The following ABCB11 variants were observed in gnomAD, a reference collection of about 807,000 sequenced individuals.
ABCB11 encodes the protein bile salt export pump.
Under a neutral mutation model 148.0 loss-of-function variants are expected in ABCB11, and 95 were observed. The observed-to-expected ratio is 0.64, with a 90% CI of 0.54 to 0.76. The LOEUF (loss-of-function observed/expected upper bound fraction) is 0.76. Among genes scored for constraint, ABCB11 ranks in the 30% least tolerant of loss-of-function variants. ABCB11 has a pLI of 0.00. For synonymous variants in ABCB11, 591 were observed against 555.4 expected (o/e 1.06, Z -0.90); for missense variants, 1,523 against 1,617.8 (o/e 0.94, Z 1.01).
chr2:169,002,167 A>T (rs1694895811), intron 5 of ABCB11, among the ~76,000 whole-genome samples: 1 of 152,182 alleles, frequency 6.6e-6, no homozygotes, highest in Non-Finnish European at 1.5e-5. Context: ...CTAGAGATAA[A>T]AATCATTTTG....
chr2:169,010,431 T>C (rs1695146235), intron 5 of ABCB11, among the ~76,000 whole-genome samples: 1 of 152,132 alleles, frequency 6.6e-6, no homozygotes, highest in South Asian at 2.1e-4. Flanking sequence ...ACTTAAAAAT[T>C]CCATCTACTA....
chr2:169,010,052 A>G (rs1006711376), intron 5 of ABCB11, among the ~76,000 whole-genome samples: 3 of 152,164 alleles, frequency 2.0e-5, no homozygotes, highest in African/African-American at 4.8e-5. Flanking sequence ...CGCAGTAGTA[A>G]TCAGCCTCCA....
chr2:169,024,193 TTAAAA>T (rs570697646), intron 1 of ABCB11, among the ~76,000 whole-genome samples: 4 of 151,952 alleles, frequency 2.6e-5, no homozygotes, highest in Non-Finnish European at 2.9e-5. Flanking sequence ...ACCCCAGAAC[TTAAAA>T]TAAAATAAAA....
At chr2:169,014,219 T>C (rs1695283541) in intron 4 of ABCB11, 84 bp downstream of exon 4, 3 of 1,358,416 alleles carry the variant, frequency 2.2e-6, no homozygotes, top group Non-Finnish European at 3.2e-6. Context: ...CCTGCCAATA[T>C]GACTAAAGAT....
Position 168,995,461 on chromosome 2 carries a change from C to A in ABCB11, c.499G>T (p.Ala167Ser). The A allele has an allele frequency of 6.2e-7, 1 of 1,611,408 alleles. No individual in the cohort carries two copies. Among genetic ancestry groups the A allele is most frequent in the Non-Finnish European group, 8.5e-7 (1 of 1,178,526 alleles). Residue 167 changes from alanine to serine, a missense_variant, in exon 7 of 28, where the codon GCA (alanine) becomes TCA (serine). Ala to Ser is a moderately conservative substitution (Grantham distance 99). Transcript: ENST00000650372. ...CTCATTTTCTGTATCTGACGAGCTG[C>A]GGCAATGACCCAAAAGCATATCTGG... is the stretch of plus-strand genomic sequence containing the variant. ...YIQICFWVIA[A>S]ARQIQKMRKF... is the part of the protein sequence containing the mutation.
chr2:168,973,575 T>C, intron 13 of ABCB11, 140 bp downstream of exon 13: 3 of 1,066,272 alleles, frequency 2.8e-6, no homozygotes, highest in East Asian at 2.6e-5. Context: ...GCGTGTCCCA[T>C]CAATTCAGTA....
chr2:169,004,047 T>G (rs1221156096), intron 5 of ABCB11, among the ~76,000 whole-genome samples: 1 of 152,220 alleles, frequency 6.6e-6, no homozygotes, highest in Non-Finnish European at 1.5e-5. Flanking sequence ...TTTTCCTTTA[T>G]AGGTTACCTG....
At chr2:168,932,338 T>C in intron 24 of ABCB11, 39 bp downstream of exon 24, 1 of 1,514,940 alleles carries the variant, frequency 6.6e-7, no homozygotes, top group Non-Finnish European at 9.0e-7. Context: ...GGACATGAAC[T>C]CATCCTTTTT....
chr2:168,976,925 C>T (rs532648583), intron 11 of ABCB11, among the ~76,000 whole-genome samples: 30 of 150,830 alleles, frequency 2.0e-4, no homozygotes, highest in Non-Finnish European at 3.0e-4. Flanking sequence ...TGCAGAGATA[C>T]GCCAAAGATG....
chr2:168,990,438 G>A (rs1276082977), intron 9 of ABCB11, among the ~76,000 whole-genome samples: 1 of 151,894 alleles, frequency 6.6e-6, no homozygotes, highest in Non-Finnish European at 1.5e-5. Context: ...GTATTTCTGT[G>A]GTATCAGTTG....
intron 3 of ABCB11, among the ~76,000 whole-genome samples, chr2:169,015,064 A>G (rs1346127375): frequency 6.6e-6 from 1 of 151,864 alleles, no homozygotes; most frequent in Non-Finnish European, 1.5e-5. Context: ...CTATTTGTCA[A>G]CCTCACTTGA....
intron 2 of ABCB11, 31 bp from the exon 3 acceptor site, chr2:169,016,830 C>T: frequency 6.5e-7 from 1 of 1,549,554 alleles, no homozygotes. Context: ...CGCAAAAAAG[C>T]AGTTAATAAT....
rs200824270 is a variant in ABCB11, at chr2:168,957,954, G to A, written c.2343+10C>T. 9 of 1,552,466 alleles carry A rather than the reference G, an allele frequency of 5.8e-6. No homozygotes were observed. The highest frequency in any genetic ancestry group is 1.4e-5 in the African/African-American group (1 of 73,924). ...TGAGAAGAAGAAAGCTAGTCCAGCT[G>A]TGTACTTACCCCAAGAATCTGGCTG... On this transcript the variant is annotated intron_variant, in intron 19 of 27. Coordinates refer to ENST00000650372, the MANE Select transcript of ABCB11 (RefSeq NM_003742.4).
rs11568364 is a variant in ABCB11 at position 168,968,473 on chromosome 2, T to C, written c.2029A>G (p.Met677Val). 37,834 of 1,611,012 alleles carry C rather than the reference T, an allele frequency of 0.023. 1,425 individuals are homozygous for C. The highest frequency in any genetic ancestry group is 0.17 in the African/African-American group (12,796 of 74,856). Residue 677 changes from methionine (M) to valine (V), a missense_variant, in exon 17 of 28, where the codon ATG becomes GTG. Coordinates refer to ENST00000650372, the MANE Select transcript of ABCB11 (RefSeq NM_003742.4). Reference sequence around the variant, plus strand: ...CCTCTGCTAAAGGTCCTCGCAAGCATGTCATCTTCAGTTGCATCTACTCAA... The same window carrying C: ...CCTCTGCTAAAGGTCCTCGCAAGCACGTCATCTTCAGTTGCATCTACTCAA... The part of the protein sequence containing the change: ...EDIKDATEDD[M>V]LARTFSRGSY...
chr2:168,924,619 T>C (rs746299872), intron 27 of ABCB11, 38 bp downstream of exon 27: 41 of 1,596,950 alleles, frequency 2.6e-5, no homozygotes, highest in Middle Eastern at 1.7e-4. Flanking sequence ...AAAAGACTTA[T>C]TTGTAATGAT....
chr2:168,940,352 A>C (rs79836897), intron 21 of ABCB11, among the ~76,000 whole-genome samples: 1,980 of 152,230 alleles, frequency 0.013, 39 homozygotes, highest in African/African-American at 0.045. Context: ...AAATAATAAG[A>C]AAGTGAAGTG....
chr2:168,945,347 T>C (rs1339249169), intron 19 of ABCB11, among the ~76,000 whole-genome samples: 1 of 151,952 alleles, frequency 6.6e-6, no homozygotes, highest in Non-Finnish European at 1.5e-5. Context: ...GAAAGTTAGC[T>C]AAGAATATGA....
At chr2:169,001,208 A>G (rs1451496702) in intron 5 of ABCB11, among the ~76,000 whole-genome samples, 3 of 152,178 alleles carry the variant, frequency 2.0e-5, no homozygotes, top group Non-Finnish European at 2.9e-5. Flanking sequence ...TAGAGTTTCT[A>G]CCATAAAACA....
chr2:168,957,911 A>T, intron 19 of ABCB11, 53 bp downstream of exon 19: 1 of 1,387,400 alleles, frequency 7.2e-7, no homozygotes, highest in South Asian at 1.8e-5. Context: ...ACTTATCAAA[A>T]TAATAAAATA....
Sources: gnomAD v4.1 joint callset for allele counts (sites outside exome capture counted in the v4.1 genomes callset) on GRCh38, gnomAD v4.1.1 for gene constraint, MANE v1.5 for transcripts, NCBI Gene and HGNC (gene_info 2026-07-23, HGNC 2026-07-21) for gene names.